LINGO2: variants seen among roughly 807,000 people sequenced by gnomAD.
LINGO2 encodes the protein leucine rich repeat and Ig domain containing 2, also known as leucine-rich repeat and immunoglobulin-like domain-containing nogo receptor-interacting protein 2.
A neutral mutation model predicts 30.6 loss-of-function variants in LINGO2; 14 were observed. The ratio of observed to expected loss-of-function variants is 0.46; its 90% CI spans 0.30 to 0.72. The LOEUF (loss-of-function observed/expected upper bound fraction) is 0.72. LINGO2 is among the 30% of genes least tolerant of loss of function. The probability of loss-of-function intolerance (pLI) is 0.07; values close to 1 mark genes in which losing one functional copy is unlikely to be tolerated. For synonymous variants in LINGO2, 317 were observed against 288.5 expected, an observed-to-expected ratio of 1.10 and a Z score of -1.00; for missense variants, 729 against 751.7, an observed-to-expected ratio of 0.97 and a Z score of 0.35.
intron 4 of LINGO2, among the ~76,000 whole-genome samples, chr9:28,073,213 A>G (rs17698309): frequency 0.029 from 4,389 of 151,672 alleles, 121 homozygotes; most frequent in Admixed American, 0.081. Flanking sequence ...CCAAAGTCCA[A>G]CTCTCAAACT....
intron 4 of LINGO2, among the ~76,000 whole-genome samples, chr9:28,135,957 G>T (rs1253587139): frequency 6.6e-6 from 1 of 152,112 alleles, no homozygotes; most frequent in East Asian, 1.9e-4. Context: ...TATGAACAGA[G>T]GTCTGTATAG....
At chr9:28,015,505 T>C (rs372981051) in intron 4 of LINGO2, among the ~76,000 whole-genome samples, 9 of 151,838 alleles carry the variant, frequency 5.9e-5, no homozygotes, top group African/African-American at 2.2e-4. Flanking sequence ...AAATTAGTAC[T>C]CTTCCTTCTA....
chr9:29,060,043 A>T, the LINGO2 span, among the ~76,000 whole-genome samples: 1 of 152,124 alleles, frequency 6.6e-6, no homozygotes, highest in Non-Finnish European at 1.5e-5. Context: ...AAAAGCAGGC[A>T]TATTGTGGAG....
the LINGO2 span, among the ~76,000 whole-genome samples, chr9:28,832,449 T>G: frequency 6.6e-6 from 1 of 152,186 alleles, no homozygotes; most frequent in Non-Finnish European, 1.5e-5. Flanking sequence ...GTTCCGTAAC[T>G]CTGGAGCTGA....
chr9:28,554,031 C>A (rs1470111627), intron 1 of LINGO2, among the ~76,000 whole-genome samples: 1 of 152,078 alleles, frequency 6.6e-6, no homozygotes, highest in African/African-American at 2.4e-5. Context: ...CTGGTACCAG[C>A]CGCTGCAAAA....
chr9:28,489,065 T>C (rs1826283510), intron 1 of LINGO2, among the ~76,000 whole-genome samples: 1 of 152,202 alleles, frequency 6.6e-6, no homozygotes, highest in East Asian at 1.9e-4. Context: ...CAAAAAAGCT[T>C]ATATTCTAAT....
At chr9:28,207,337 A>T (rs1201112743) in intron 4 of LINGO2, among the ~76,000 whole-genome samples, 1 of 152,092 alleles carries the variant, frequency 6.6e-6, no homozygotes, top group East Asian at 1.9e-4. Flanking sequence ...ATCATTTAGG[A>T]TTCTTAAAAT....
the LINGO2 span, among the ~76,000 whole-genome samples, chr9:28,780,852 G>A: frequency 2.0e-5 from 3 of 151,376 alleles, no homozygotes; most frequent in Admixed American, 2.0e-4. Context: ...GTGTGTGTGT[G>A]TGTGTGTGTG....
chr9:29,183,208 C>T, the LINGO2 span, among the ~76,000 whole-genome samples: 1 of 152,090 alleles, frequency 6.6e-6, no homozygotes, highest in African/African-American at 2.4e-5. Flanking sequence ...ACTGCCACAG[C>T]CCAGAGACAA....
At chr9:28,775,832 CTT>C in the LINGO2 span, among the ~76,000 whole-genome samples, 2 of 152,128 alleles carry the variant, frequency 1.3e-5, no homozygotes, top group Non-Finnish European at 2.9e-5. Flanking sequence ...TTCGTTCACT[CTT>C]TGTTTGGAAA....
chr9:28,156,557 A>G (rs1308458244), intron 4 of LINGO2, among the ~76,000 whole-genome samples: 1 of 152,230 alleles, frequency 6.6e-6, no homozygotes, highest in East Asian at 1.9e-4. Flanking sequence ...AGGTAGATGG[A>G]AACAATAATT....
intron 4 of LINGO2, among the ~76,000 whole-genome samples, chr9:28,285,301 CT>C (rs1355544143): frequency 6.6e-6 from 1 of 151,494 alleles, no homozygotes; most frequent in African/African-American, 2.4e-5. Flanking sequence ...TATCAATGAT[CT>C]CATTTAATGC....
chr9:28,665,382 G>A (rs1828760082), intron 1 of LINGO2, among the ~76,000 whole-genome samples: 1 of 151,940 alleles, frequency 6.6e-6, no homozygotes, highest in South Asian at 2.1e-4. Context: ...ATTTAGTTCT[G>A]AAATTCCTTG....
At chr9:28,956,517 T>C in the LINGO2 span, among the ~76,000 whole-genome samples, 1 of 152,066 alleles carries the variant, frequency 6.6e-6, no homozygotes, top group Non-Finnish European at 1.5e-5. Flanking sequence ...ATAATGCTTG[T>C]GCACTAGAAG....
At chr9:29,017,811 T>A in the LINGO2 span, among the ~76,000 whole-genome samples, 24 of 152,056 alleles carry the variant, frequency 1.6e-4, 1 homozygote, top group South Asian at 3.7e-3. Flanking sequence ...TCACCTGGCA[T>A]CCCTAAGTCT....
chr9:28,379,876 T>C (rs1194567962), intron 2 of LINGO2, among the ~76,000 whole-genome samples: 1 of 152,076 alleles, frequency 6.6e-6, no homozygotes, highest in African/African-American at 2.4e-5. Flanking sequence ...AGTGGGGGCA[T>C]GCAAGGTTCT....
chr9:28,946,500 C>G, the LINGO2 span, among the ~76,000 whole-genome samples: 1 of 152,006 alleles, frequency 6.6e-6, no homozygotes. Flanking sequence ...TAAAGAATTG[C>G]CCAGATTCCT....
chr9:28,906,326 G>C, the LINGO2 span, among the ~76,000 whole-genome samples: 1 of 151,880 alleles, frequency 6.6e-6, no homozygotes, highest in African/African-American at 2.4e-5. Context: ...AAGTAAGTAT[G>C]TGAGTTAATA....
chr9:28,639,987 C>T (rs985408436), intron 1 of LINGO2, among the ~76,000 whole-genome samples: 19 of 152,068 alleles, frequency 1.2e-4, no homozygotes, highest in Non-Finnish European at 2.1e-4. Flanking sequence ...TTTAGTGCTT[C>T]CTTCAGGAGC....
Sources: gnomAD v4.1 joint callset for allele counts (sites outside exome capture counted in the v4.1 genomes callset) on GRCh38, gnomAD v4.1.1 for gene constraint, MANE v1.5 for transcripts, NCBI Gene and HGNC (gene_info 2026-07-23, HGNC 2026-07-21) for gene names.